INF2: variants seen among roughly 807,000 people sequenced by gnomAD.
INF2 encodes the protein inverted formin 2, also known as inverted formin-2.
A neutral mutation model predicts 123.5 loss-of-function variants in INF2; 43 were observed. The observed-to-expected ratio is 0.35, with a 90% confidence interval of 0.27 to 0.45. The LOEUF is 0.45. Ranked by LOEUF, INF2 falls within the 20% of genes least tolerant of loss-of-function variation. The pLI is 1.00. For synonymous variants in INF2, 851 were observed against 745.0 expected, an observed-to-expected ratio of 1.14 and a Z score of -2.32; for missense variants, 1,453 against 1,682.7, an observed-to-expected ratio of 0.86 and a Z score of 2.39.
exon 1 of INF2, chr14:104,681,347 G>A: frequency 4.6e-6 from 2 of 438,568 alleles, no homozygotes; most frequent in Non-Finnish European, 4.6e-6. Context: ...TCTCCTGGAC[G>A]CCACCCACAG....
Position 104,714,836 on chromosome 14 carries a change from G to T in INF2, c.3674G>T (p.Arg1225Leu). 1 of 1,587,126 alleles carries T rather than the reference G, an allele frequency of 6.3e-7. No homozygotes were observed. The highest frequency in any genetic ancestry group is 8.5e-7 in the Non-Finnish European group (1 of 1,169,640). The change falls in exon 21 of 23, where the codon CGT (arginine) becomes CTT (leucine). Residue 1225 changes from arginine to leucine, a missense_variant. By Grantham distance (102) the Arg-to-Leu change is moderately radical (BLOSUM62 -2). Around this residue, in one of 8 missense-constraint regions of INF2, gnomAD observed 344 missense variants for 333.1 expected, o/e 1.03. Coordinates refer to ENST00000392634, the MANE Select transcript of INF2 (RefSeq NM_022489.4). ...GGGACCGGGAAGCGAAGGAAGAAGC[G>T]TCCCTCCAGGAGCCAGGAAGGTAAC... is the stretch of plus-strand genomic sequence containing the variant. ...SKGTGKRRKK[R>L]PSRSQEEVPP...
In INF2 at chr14:104,708,738, T is replaced by C. The variant is rs1413787913; in HGVS notation, c.1949+6T>C. On this transcript the variant is annotated splice_donor_region_variant and intron_variant, in intron 10 of 22. Transcript: ENST00000392634. ...TTCCTGAAGCAATTTAAGTGGTGAG[T>C]GAGGGAGGTAGCCCCCATCCCAGGC... The C allele has an allele frequency of 6.2e-7, 1 of 1,612,840 alleles. No individual in the cohort carries two copies. The highest frequency in any genetic ancestry group is 8.5e-7 in the Non-Finnish European group (1 of 1,179,748).
chr14:104,684,167 C>T lies in INF2; in HGVS notation c.-104+2585C>T, dbSNP rs553881021. 22 of 455,642 alleles carry T rather than the reference C, an allele frequency of 4.8e-5. No individual in the cohort carries two copies. The highest frequency in any genetic ancestry group is 8.4e-5 in the Non-Finnish European group (19 of 226,630). The allele number at this position is 455,642 out of a possible 1,614,324, so 28.2% of individuals were successfully genotyped here. ...CATGCAAGTAACCTGCGTGCCGCCA[C>T]GGGAAACAGCACGCATCCCATCTGG... On this transcript the variant is annotated intron_variant, in intron 1 of 2. Coordinates refer to the INF2 transcript ENST00000674723. The surrounding 1 kb of genome is among the most constrained non-coding windows in gnomAD (Gnocchi z 5.0).
At chr14:104,701,279 T>G (rs541741841) in intron 1 of INF2, 78 bp from the exon 2 acceptor site, 5 of 1,462,980 alleles carry the variant, frequency 3.4e-6, no homozygotes, top group African/African-American at 2.8e-5. Flanking sequence ...CCGAGGGAAG[T>G]GGCCCCGCCT....
chr14:104,717,135 G>A (rs1289848349), intron 22 of INF2, among the ~76,000 whole-genome samples: 1 of 152,198 alleles, frequency 6.6e-6, no homozygotes, highest in East Asian at 1.9e-4. Flanking sequence ...CTCCAACTGA[G>A]GCATCTGAGA....
chr14:104,691,851 A>G (rs1207571187), intron 1 of INF2, among the ~76,000 whole-genome samples: 1 of 152,054 alleles, frequency 6.6e-6, no homozygotes, highest in African/African-American at 2.4e-5. Flanking sequence ...TCTGCCTCTG[A>G]GCACCCAGAC....
Position 104,681,685 on chromosome 14 carries a change from G to A in INF2, c.-104+103G>A, listed in dbSNP as rs1888526528. On this transcript the variant is annotated intron_variant, in intron 1 of 2. Coordinates refer to the INF2 transcript ENST00000674723. ...CAAGCATCTGAGTGCAGGAGGCACA[G>A]GCCCCTGAGGTCCCGGAGGGCAGCA... 4.1e-6 allele frequency: 4 copies of A among 971,494 alleles called. No individual in the cohort carries two copies. In the South Asian group the frequency reaches 5.7e-5, roughly 14 times the overall value. The allele number at this position is 971,494 out of a possible 1,614,324, so 60.2% of individuals were successfully genotyped here.
rs186326868 is a variant in INF2, at chr14:104,707,860, G to T, written c.1593G>T (p.Ala531=). The T allele has an allele frequency of 1.2e-6, 2 of 1,605,542 alleles. No individual in the cohort carries two copies. Among genetic ancestry groups the T allele is most frequent in the African/African-American group, 1.3e-5 (1 of 74,576 alleles). The part of the protein sequence containing the change: ...LLPCTCSPPV[A]GGMEEVIVAQ... Reference sequence around the variant, plus strand: ...CCTGCACCTGCAGCCCCCCCGTGGCGGGAGGCATGGAGGAGGTCATCGTGG... The same window carrying T: ...CCTGCACCTGCAGCCCCCCCGTGGCTGGAGGCATGGAGGAGGTCATCGTGG... Residue 531 remains alanine (A), a synonymous_variant, in exon 8 of 23, where the codon GCG becomes GCT. Coordinates refer to ENST00000392634, the MANE Select transcript of INF2 (RefSeq NM_022489.4).
chr14:104,710,311 C>T, intron 13 of INF2, 123 bp downstream of exon 13: 1 of 690,092 alleles, frequency 1.4e-6, no homozygotes, highest in Middle Eastern at 3.9e-4. Context: ...CCTAAGGGTG[C>T]CAGCCTTCAC....
At chr14:104,703,870 C>CGGG (rs748768429) in intron 4 of INF2, 46 bp from the exon 5 acceptor site, 1 of 1,609,802 alleles carries the variant, frequency 6.2e-7, no homozygotes, top group Non-Finnish European at 8.5e-7. Flanking sequence ...ATGGGGAAGG[C>CGGG]GGGGAGTGGC....
intron 22 of INF2, among the ~76,000 whole-genome samples, chr14:104,717,399 G>A (rs969889980): frequency 6.6e-6 from 1 of 151,810 alleles, no homozygotes; most frequent in Non-Finnish European, 1.5e-5. Flanking sequence ...GCTGTGGGGC[G>A]CTTCACGTCC....
chr14:104,715,233 G>C, intron 21 of INF2, 51 bp from the exon 22 acceptor site: 2 of 1,578,476 alleles, frequency 1.3e-6, no homozygotes, highest in Non-Finnish European at 8.7e-7. Context: ...CCGAGTCAGG[G>C]TTGCTTCTGT....
intron 11 of INF2, 92 bp from the exon 12 acceptor site, chr14:104,709,528 G>C (rs1889943653): frequency 1.5e-6 from 2 of 1,331,948 alleles, no homozygotes; most frequent in South Asian, 1.2e-5. Flanking sequence ...AGGGAGCCAT[G>C]ATGGGCACTG....
intron 1 of INF2, chr14:104,700,837 C>T (rs979579691): frequency 2.5e-5 from 25 of 985,316 alleles, no homozygotes; most frequent in South Asian, 4.7e-5. Context: ...ACGCTGCTGA[C>T]GCTGTGGGCA....
chr14:104,701,630 G>A lies in INF2; in HGVS notation c.265G>A (p.Val89Ile), dbSNP rs765566674. Reference sequence around the variant, plus strand: ...GCTGGCGCGGCTGTCGGGCCGCGGCGTTGCACGTATCTCCGACGCCCTGCT... The same window carrying A: ...GCTGGCGCGGCTGTCGGGCCGCGGCATTGCACGTATCTCCGACGCCCTGCT... ...EALARLSGRGVARISDALLQL... is the reference protein window; with the variant it reads ...EALARLSGRGIARISDALLQL... The change falls in exon 2 of 23, where the codon GTT becomes ATT. Residue 89 changes from valine to isoleucine, a missense_variant. Val to Ile is a conservative substitution (Grantham distance 29). Around this residue, in one of 8 missense-constraint regions of INF2, gnomAD observed 251 missense variants for 349.4 expected, o/e 0.72. Transcript: ENST00000392634. 6.2e-7 allele frequency: 1 copy of A among 1,601,478 alleles called. No individual in the cohort carries two copies. The highest frequency in any genetic ancestry group is 8.5e-7 in the Non-Finnish European group (1 of 1,176,788).
intron 1 of INF2, among the ~76,000 whole-genome samples, chr14:104,700,314 G>A (rs1327706494): frequency 6.6e-6 from 1 of 152,196 alleles, no homozygotes; most frequent in African/African-American, 2.4e-5. Context: ...GAGGTATAAA[G>A]TGCCTGCCTT....
chr14:104,683,077 G>A (rs1045969565), intron 1 of INF2, among the ~76,000 whole-genome samples: 1 of 101,696 alleles, frequency 9.8e-6, no homozygotes, highest in Non-Finnish European at 1.9e-5. Flanking sequence ...ACAGGCGTGA[G>A]CCACTGCTAC....
chr14:104,703,177 C>A lies in INF2; in HGVS notation c.464C>A (p.Pro155His). ...ELLAALCIYS[P>H]EGHVLTLDAL... ...CTGGCTGCCCTGTGCATCTACTCTC[C>A]CGAGGGCCACGTGCTGACCCTGGAC... Residue 155 changes from proline (P) to histidine (H), a missense_variant, in exon 3 of 23, where the codon CCC (proline) becomes CAC (histidine). Pro to His is a moderately conservative substitution (Grantham distance 77). Around this residue, in one of 8 missense-constraint regions of INF2, gnomAD observed 251 missense variants for 349.4 expected, o/e 0.72. Transcript: ENST00000392634. 6.2e-7 allele frequency: 1 copy of A among 1,613,534 alleles called. No homozygotes were observed. Among genetic ancestry groups the A allele is most frequent in the South Asian group, 1.1e-5 (1 of 91,086 alleles).
At position 104,714,803 on chromosome 14, in the gene INF2, CCTCAAAGGGGA is replaced by C. The variant is rs762985148; in HGVS notation, c.3643_3653del (p.Ser1215ArgfsTer18). ...ACACTCCCCAGGGCCCGGGGCCGGG[CCTCAAAGGGGA>C]CCGGGAAGCGAAGGAAGAAGCGTCC... On this transcript the variant is annotated frameshift_variant, in exon 21 of 23. Transcript: ENST00000392634. LOFTEE classifies it high-confidence loss of function. 3 of 1,596,280 alleles carry C rather than the reference CCTCAAAGGGGA, an allele frequency of 1.9e-6. No homozygotes were observed. The Admixed American group carries it at 5.4e-5, about 29-fold the overall frequency.
Sources: gnomAD v4.1 joint callset for allele counts (sites outside exome capture counted in the v4.1 genomes callset) on GRCh38, gnomAD v4.1.1 for gene constraint, gnomAD v4.1.1 regional missense constraint, Gnocchi (gnomAD v3.1) non-coding constraint, MANE v1.5 for transcripts, NCBI Gene and HGNC (gene_info 2026-07-23, HGNC 2026-07-21) for gene names.